The following SYT6 variants were observed in gnomAD, a reference collection of about 807,000 sequenced individuals.
SYT6 encodes synaptotagmin 6.
Under a neutral mutation model 38.4 loss-of-function variants are expected in SYT6, and 24 were observed. That is an observed-to-expected ratio of 0.62 (90% confidence interval 0.45 to 0.88). SYT6 has a LOEUF of 0.88. SYT6 is among the 40% of genes least tolerant of loss of function. The pLI is 0.00. For synonymous variants in SYT6, 265 were observed against 241.9 expected, an observed-to-expected ratio of 1.10 and a Z score of -0.89; for missense variants, 611 against 621.0, an observed-to-expected ratio of 0.98 and a Z score of 0.17.
intron 7 of SYT6, among the ~76,000 whole-genome samples, chr1:114,093,411 C>A (rs578204592): frequency 2.9e-4 from 44 of 152,328 alleles, no homozygotes; most frequent in South Asian, 1.2e-3. Flanking sequence ...TTATGACTAA[C>A]CAAAGGCCAG....
intron 3 of SYT6, among the ~76,000 whole-genome samples, chr1:114,105,462 A>C (rs112478059): frequency 1.4e-5 from 1 of 71,112 alleles, no homozygotes; most frequent in South Asian, 5.4e-4. Flanking sequence ...GTCACCCCCC[A>C]AATCAAATTC....
intron 3 of SYT6, among the ~76,000 whole-genome samples, chr1:114,120,913 G>T (rs1426497248): frequency 6.6e-6 from 1 of 152,236 alleles, no homozygotes; most frequent in African/African-American, 2.4e-5. Flanking sequence ...GCTTGAAGGA[G>T]CTGCTGATGC....
chr1:114,117,420 G>A (rs895873862), intron 3 of SYT6, among the ~76,000 whole-genome samples: 1 of 152,230 alleles, frequency 6.6e-6, no homozygotes, highest in Non-Finnish European at 1.5e-5. Flanking sequence ...CTGCCTGCCT[G>A]GTGGGCTGAG....
rs1303838421 is a variant in SYT6, at chr1:114,138,038, C to T, written c.528G>A (p.Lys176=). Residue 176 remains lysine, a synonymous_variant, in exon 3 of 8, where the codon AAG becomes AAA. Coordinates refer to ENST00000610222, the MANE Select transcript of SYT6 (RefSeq NM_001253772.2). ...CATGCATCTGCCTTGGCAGGTGGCG[C>T]TTGAAGGACGTGTGCCTGGTAGAGG... ...PASSTRHTSF[K]RHLPRQMHVS... The T allele has an allele frequency of 8.7e-6, 14 of 1,613,328 alleles. No individual in the cohort carries two copies. Among genetic ancestry groups the T allele is most frequent in the South Asian group, 2.2e-5 (2 of 91,044 alleles).
At chr1:114,111,859 T>G (rs983471615) in intron 3 of SYT6, among the ~76,000 whole-genome samples, 11 of 151,786 alleles carry the variant, frequency 7.2e-5, no homozygotes, top group Admixed American at 4.6e-4. Context: ...GCTGTGGGAG[T>G]GGGCACTCCT....
intron 3 of SYT6, among the ~76,000 whole-genome samples, chr1:114,106,008 G>T (rs192797105): frequency 6.6e-6 from 1 of 152,296 alleles, no homozygotes; most frequent in Non-Finnish European, 1.5e-5. Context: ...AGGTGCTGGA[G>T]TCCCCATCTC....
chr1:114,148,815 C>G (rs796791790), intron 1 of SYT6, among the ~76,000 whole-genome samples: 5 of 152,206 alleles, frequency 3.3e-5, no homozygotes, highest in African/African-American at 1.2e-4. Flanking sequence ...GAGATGTTAA[C>G]CAGGTAACTT....
rs1557763253 is a variant in SYT6 at position 114,137,765 on chromosome 1, A to T, written c.801T>A (p.Pro267=). The change falls in exon 3 of 8, where the codon CCT becomes CCA. Residue 267 remains proline, a synonymous_variant. Transcript: ENST00000610222. ...PAKDFCGSSD[P]YVKIYLLPDR... ...CAGGCAGGAGGTAGATCTTGACATA[A>T]GGGTCAGAGCTTCCACAAAAGTCCT... The T allele has an allele frequency of 1.9e-6, 3 of 1,614,076 alleles. No individual in the cohort carries two copies. The highest frequency in any genetic ancestry group is 2.2e-5 in the South Asian group (2 of 91,070).
intron 3 of SYT6, among the ~76,000 whole-genome samples, chr1:114,135,515 G>A (rs1327308156): frequency 1.5e-5 from 1 of 65,068 alleles, no homozygotes; most frequent in South Asian, 7.5e-4. Context: ...ACTAGTTGAG[G>A]ATGATGAGGA....
chr1:114,128,160 A>G (rs1677853501), intron 3 of SYT6, among the ~76,000 whole-genome samples: 1 of 152,228 alleles, frequency 6.6e-6, no homozygotes, highest in Non-Finnish European at 1.5e-5. Flanking sequence ...CCCCAGACTC[A>G]GGCACACCTT....
chr1:114,137,343 T>C (rs1459768420), intron 3 of SYT6, 152 bp downstream of exon 3: 1 of 848,720 alleles, frequency 1.2e-6, no homozygotes, highest in African/African-American at 1.7e-5. Context: ...AGTGCAAGGG[T>C]AGACTGGGCC....
At chr1:114,111,944 C>G (rs1244886720) in intron 3 of SYT6, among the ~76,000 whole-genome samples, 1 of 152,128 alleles carries the variant, frequency 6.6e-6, no homozygotes, top group African/African-American at 2.4e-5. Flanking sequence ...TGCTCCGCCT[C>G]AGGCCCGGGC....
intron 1 of SYT6, among the ~76,000 whole-genome samples, chr1:114,146,441 T>A (rs568328064): frequency 6.6e-6 from 1 of 152,322 alleles, no homozygotes; most frequent in African/African-American, 2.4e-5. Context: ...CACTGGGACA[T>A]GTCCCCTAGG....
chr1:114,120,874 G>A (rs767349166), intron 3 of SYT6, among the ~76,000 whole-genome samples: 3 of 152,140 alleles, frequency 2.0e-5, no homozygotes, highest in Admixed American at 6.5e-5. Context: ...CCCCTCCTAC[G>A]TCACTGGAAA....
chr1:114,142,153 T>G (rs1678898891), intron 1 of SYT6, among the ~76,000 whole-genome samples: 1 of 152,210 alleles, frequency 6.6e-6, no homozygotes, highest in African/African-American at 2.4e-5. Context: ...CAGTGATTCC[T>G]CTGATGGATC....
chr1:114,123,844 G>A (rs944353578), intron 3 of SYT6, among the ~76,000 whole-genome samples: 3 of 152,346 alleles, frequency 2.0e-5, no homozygotes, highest in Admixed American at 1.3e-4. Context: ...CAGGTGGCCA[G>A]GACACTTGCA....
chr1:114,137,484 G>C lies in SYT6; in HGVS notation c.1071+11C>G. On this transcript the variant is annotated intron_variant, in intron 3 of 7. Transcript: ENST00000610222. ...AATCCTCAAGAAGCCAAGGAACAGG[G>C]CTGTACTTACACTTGTGGCATATTG... 5 of 1,609,536 alleles carry C rather than the reference G, an allele frequency of 3.1e-6. No homozygotes were observed. Among genetic ancestry groups the C allele is most frequent in the Non-Finnish European group, 4.2e-6 (5 of 1,176,674 alleles).
intron 3 of SYT6, among the ~76,000 whole-genome samples, chr1:114,117,334 CTGTT>C (rs1462055948): frequency 6.6e-6 from 1 of 152,252 alleles, no homozygotes; most frequent in Non-Finnish European, 1.5e-5. Context: ...AGAATACAAT[CTGTT>C]TGTAAGCCTT....
chr1:114,099,746 A>G (rs1401702086), intron 4 of SYT6, among the ~76,000 whole-genome samples: 9 of 152,254 alleles, frequency 5.9e-5, no homozygotes, highest in East Asian at 1.9e-4. Context: ...ATAGGACTCA[A>G]CAATGGCCAG....
Sources: gnomAD v4.1 joint callset for allele counts (sites outside exome capture counted in the v4.1 genomes callset) on GRCh38, gnomAD v4.1.1 for gene constraint, MANE v1.5 for transcripts, NCBI Gene and HGNC (gene_info 2026-07-23, HGNC 2026-07-21) for gene names.